CASP2: variants seen among roughly 807,000 people sequenced by gnomAD.
CASP2 encodes caspase 2.
A neutral mutation model predicts 54.4 loss-of-function variants in CASP2; 38 were observed. That is an observed-to-expected ratio of 0.70 (90% CI 0.54 to 0.92). CASP2 has a LOEUF of 0.92. CASP2 is among the 40% of genes least tolerant of loss of function. The pLI is 0.00. For synonymous variants in CASP2, 215 were observed against 216.3 expected (o/e 0.99, Z 0.05); for missense variants, 512 against 579.6 (o/e 0.88, Z 1.20).
chr7:143,290,161 A>G (rs1801514071), intron 1 of CASP2, among the ~76,000 whole-genome samples: 1 of 150,144 alleles, frequency 6.7e-6, no homozygotes, highest in Non-Finnish European at 1.5e-5. Context: ...CCAAGGTTCA[A>G]GCGATTCTCC....
intron 8 of CASP2, 22 bp downstream of exon 8, chr7:143,300,316 C>T: frequency 6.2e-7 from 1 of 1,612,404 alleles, no homozygotes. Context: ...AGCAGACCAG[C>T]ACCTGGGTGG....
chr7:143,300,612 C>T, intron 8 of CASP2: 1 of 1,370,036 alleles, frequency 7.3e-7, no homozygotes, highest in Non-Finnish European at 9.5e-7. Context: ...CTCTGGTGCC[C>T]TTTTTTTGGT....
At position 143,296,270 on chromosome 7, in the gene CASP2, T is replaced by C. The variant is rs578056638; in HGVS notation, c.747+1497T>C. On this transcript the variant is annotated intron_variant, in intron 6 of 10. Transcript: ENST00000310447. ...TTCTTTGGTTGAATTGCTCTGTAAC[T>C]GGAATTGCAGTAGAGTTGAACTTCA... Among the ~76,000 whole-genome samples, 4 of 152,242 alleles carry C rather than the reference T, an allele frequency of 2.6e-5. No individual in the cohort carries two copies. In the East Asian group the frequency reaches 7.7e-4, roughly 29 times the overall value.
chr7:143,292,571 G>A, intron 3 of CASP2, 46 bp from the exon 4 acceptor site: 3 of 1,605,910 alleles, frequency 1.9e-6, no homozygotes, highest in East Asian at 4.5e-5. Context: ...ATTTGGACCG[G>A]ACCACTTCCC....
Position 143,303,940 on chromosome 7 carries a change from T to C in CASP2, c.1117+7T>C. 6.3e-7 allele frequency: 1 copy of C among 1,579,370 alleles called. No homozygotes were observed. Among genetic ancestry groups the C allele is most frequent in the South Asian group, 1.2e-5 (1 of 86,720 alleles). ...GGCTATGCCTGCCTCAAAGGTACTT[T>C]GAGTTCCAAAAGAGTTGAGTCATAC... is the stretch of plus-strand genomic sequence containing the variant. On this transcript the variant is annotated splice_region_variant and intron_variant, in intron 9 of 10. Transcript: ENST00000310447.
At chr7:143,294,375 C>A in intron 5 of CASP2, 51 bp downstream of exon 5, 2 of 1,288,010 alleles carry the variant, frequency 1.6e-6, no homozygotes, top group Non-Finnish European at 2.3e-6. Flanking sequence ...ATTAGACACC[C>A]TTCCTGGGAA....
Position 143,294,764 on chromosome 7 carries a change from G to C in CASP2, c.738G>C (p.Gln246His), listed in dbSNP as rs779852710. 1 of 1,614,064 alleles carries C rather than the reference G, an allele frequency of 6.2e-7. No individual in the cohort carries two copies. The highest frequency in any genetic ancestry group is 1.1e-5 in the South Asian group (1 of 91,064). ...ATGACGTCCATGTTCTATGTGACCAGACTGCACAGGTACCTGAGGTGGGAA... is the reference window on the plus strand; with the variant it reads ...ATGACGTCCATGTTCTATGTGACCACACTGCACAGGTACCTGAGGTGGGAA... ...LGYDVHVLCD[Q>H]TAQEMQEKLQ... The change falls in exon 6 of 11, where the codon CAG (glutamine) becomes CAC (histidine). Residue 246 changes from glutamine (Q) to histidine (H), a missense_variant. Gln to His is a conservative substitution (Grantham distance 24). Transcript: ENST00000310447.
Position 143,294,454 on chromosome 7 carries a change from C to T in CASP2, c.570+130C>T, listed in dbSNP as rs4647300. The T allele has an allele frequency of 8.6e-5, 89 of 1,029,980 alleles. No homozygotes were observed. The Admixed American group carries it at 1.5e-3, about 17-fold the overall frequency. The allele number at this position is 1,029,980 out of a possible 1,614,324, so 63.8% of individuals were successfully genotyped here. A position where few individuals can be genotyped will look rare whatever the true frequency, so the allele number is the denominator to read the frequency against. On this transcript the variant is annotated intron_variant, in intron 5 of 10. Coordinates refer to ENST00000310447, the MANE Select transcript of CASP2 (RefSeq NM_032982.4). ...TCAGAAAGTTGTTACTGGTTAAATGCCTTCTGTGAGCATTTGTCTATTTTT... is the reference window on the plus strand; with the variant it reads ...TCAGAAAGTTGTTACTGGTTAAATGTCTTCTGTGAGCATTTGTCTATTTTT...
chr7:143,305,658 G>GATC lies in CASP2; in HGVS notation c.*587_*588insATC. ...CCCTTCAGTACTGCAGCGCCACCCA[G>GATC]TGGAAGGACACTCTTGGCTCGTTTG... On this transcript the variant is annotated 3_prime_UTR_variant, in exon 11 of 11. Transcript: ENST00000310447. 2.4e-5 allele frequency: 4 copies of GATC among 168,060 alleles called. No individual in the cohort carries two copies. Among genetic ancestry groups the GATC allele is most frequent in the Admixed American group, 5.5e-5 (1 of 18,242 alleles). The allele number at this position is 168,060 out of a possible 1,614,324, so 10.4% of individuals were successfully genotyped here.
chr7:143,294,683 C>T lies in CASP2; in HGVS notation c.657C>T (p.Arg219=). The part of the protein sequence containing the change: ...HFTGEKELEF[R]SGGDVDHSTL... ...CTGGAGAGAAAGAACTGGAATTTCG[C>T]TCTGGAGGGGATGTGGACCACAGTA... The change falls in exon 6 of 11, where the codon CGC becomes CGT. Residue 219 remains arginine (R), a synonymous_variant. Transcript: ENST00000310447. The T allele has an allele frequency of 1.9e-6, 3 of 1,614,152 alleles. No individual in the cohort carries two copies. Among genetic ancestry groups the T allele is most frequent in the Non-Finnish European group, 2.5e-6 (3 of 1,180,016 alleles).
chr7:143,297,137 T>G (rs1418231888), intron 6 of CASP2, among the ~76,000 whole-genome samples: 1 of 152,160 alleles, frequency 6.6e-6, no homozygotes, highest in East Asian at 1.9e-4. Flanking sequence ...TTTCAGAGGG[T>G]TCACAAGTTA....
At position 143,294,729 on chromosome 7, in the gene CASP2, C is replaced by G. The variant is rs146134510; in HGVS notation, c.703C>G (p.Leu235Val). The G allele has an allele frequency of 1.2e-6, 2 of 1,614,194 alleles. No individual in the cohort carries two copies. The highest frequency in any genetic ancestry group is 1.7e-6 in the Non-Finnish European group (2 of 1,180,038). ...DHSTLVTLFKLLGYDVHVLCD... is the reference protein window; with the variant it reads ...DHSTLVTLFKVLGYDVHVLCD... Reference sequence around the variant, plus strand: ...CAGTACTCTAGTCACCCTCTTCAAGCTTTTGGGCTATGACGTCCATGTTCT... The same window carrying G: ...CAGTACTCTAGTCACCCTCTTCAAGGTTTTGGGCTATGACGTCCATGTTCT... Residue 235 changes from leucine to valine, a missense_variant, in exon 6 of 11, where the codon CTT becomes GTT. Leu to Val is a conservative substitution (Grantham distance 32). Coordinates refer to ENST00000310447, the MANE Select transcript of CASP2 (RefSeq NM_032982.4).
Position 143,293,078 on chromosome 7 carries a change from G to T in CASP2, c.475+380G>T, listed in dbSNP as rs181652171. On this transcript the variant is annotated intron_variant, in intron 4 of 10. Transcript: ENST00000310447. ...AGATTGACTTCCCCTTTCTTGTCTGGTATCTGGCTTTGTCCTAACATGAGC... is the reference window on the plus strand; with the variant it reads ...AGATTGACTTCCCCTTTCTTGTCTGTTATCTGGCTTTGTCCTAACATGAGC... The T allele has an allele frequency of 4.3e-5, 27 of 624,086 alleles. No homozygotes were observed. In the African/African-American group the frequency reaches 4.8e-4, roughly 11 times the overall value. 38.7% of individuals were successfully genotyped at this position (624,086 alleles called of 1,614,324 possible). A position where few individuals can be genotyped will look rare whatever the true frequency, so the allele number is the denominator to read the frequency against.
In CASP2 at chr7:143,294,298, G is replaced by A. The variant is rs1801677626; in HGVS notation, c.544G>A (p.Glu182Lys). 1.2e-6 allele frequency: 2 copies of A among 1,611,362 alleles called. No individual in the cohort carries two copies. The highest frequency in any genetic ancestry group is 1.7e-6 in the Non-Finnish European group (2 of 1,177,542). ...VCLQVKPCTP[E>K]FYQTHFQLAY... is the part of the protein sequence containing the mutation. ...CCTTCAGGTGAAGCCTTGCACTCCTGAATTTTATCAAACACACTTCCAGCT... is the reference window on the plus strand; with the variant it reads ...CCTTCAGGTGAAGCCTTGCACTCCTAAATTTTATCAAACACACTTCCAGCT... The change falls in exon 5 of 11, where the codon GAA (glutamate) becomes AAA (lysine). Residue 182 changes from glutamate to lysine, a missense_variant. Coordinates refer to ENST00000310447, the MANE Select transcript of CASP2 (RefSeq NM_032982.4).
intron 4 of CASP2, among the ~76,000 whole-genome samples, chr7:143,293,916 A>T (rs1801665533): frequency 6.6e-6 from 1 of 152,232 alleles, no homozygotes; most frequent in Non-Finnish European, 1.5e-5. Flanking sequence ...TAAAAAGCTG[A>T]ATAAGAAAAG....
chr7:143,305,576 A>C lies in CASP2; in HGVS notation c.*505A>C. On this transcript the variant is annotated 3_prime_UTR_variant, in exon 11 of 11. Transcript: ENST00000310447. ...TAGACATTATCTTTTGGCTCTGAAG[A>C]AGCAAACATGACTAGAGACGCACCT... The C allele has an allele frequency of 3.8e-6, 1 of 266,090 alleles. No homozygotes were observed. The highest frequency in any genetic ancestry group is 9.3e-5 in the East Asian group (1 of 10,748). The allele number at this position is 266,090 out of a possible 1,614,324, so 16.5% of individuals were successfully genotyped here.
chr7:143,300,400 C>T lies in CASP2; in HGVS notation c.967+106C>T, dbSNP rs573888034. Reference sequence around the variant, plus strand: ...CTCAGGTGCTATTGGATCCCTTGGGCACCTCCTTCTGTTCACTGCTGCCAC... The same window carrying T: ...CTCAGGTGCTATTGGATCCCTTGGGTACCTCCTTCTGTTCACTGCTGCCAC... On this transcript the variant is annotated intron_variant, in intron 8 of 10. Coordinates refer to ENST00000310447, the MANE Select transcript of CASP2 (RefSeq NM_032982.4). The T allele has an allele frequency of 3.8e-6, 6 of 1,599,800 alleles. No homozygotes were observed. In the South Asian group the frequency reaches 4.4e-5, roughly 12 times the overall value.
intron 6 of CASP2, among the ~76,000 whole-genome samples, chr7:143,297,101 A>G (rs1563063360): frequency 6.6e-6 from 1 of 152,250 alleles, no homozygotes. Context: ...TGGAAAATGC[A>G]GCTGCCCATA....
intron 1 of CASP2, 79 bp downstream of exon 1, chr7:143,288,608 GC>G: frequency 1.5e-6 from 2 of 1,295,340 alleles, no homozygotes; most frequent in African/African-American, 1.5e-5. Flanking sequence ...CGGCCCTGCA[GC>G]CCCCTCCCCT....
Sources: gnomAD v4.1 joint callset for allele counts (sites outside exome capture counted in the v4.1 genomes callset) on GRCh38, gnomAD v4.1.1 for gene constraint, MANE v1.5 for transcripts, NCBI Gene and HGNC (gene_info 2026-07-23, HGNC 2026-07-21) for gene names.